The following ETV1 variants were observed in gnomAD, a reference collection of about 807,000 sequenced individuals.
ETV1 encodes ETS variant transcription factor 1.
Under a neutral mutation model 62.3 loss-of-function variants are expected in ETV1, and 27 were observed. The ratio of observed to expected loss-of-function variants is 0.43; its 90% CI spans 0.32 to 0.60. The LOEUF (loss-of-function observed/expected upper bound fraction) is 0.60. ETV1 is among the 20% of genes least tolerant of loss of function. The probability of loss-of-function intolerance (pLI) is 0.06; values close to 1 mark genes in which losing one functional copy is unlikely to be tolerated. For missense variants in ETV1, 605 were observed against 605.8 expected (o/e 1.00, Z 0.01); for synonymous variants, 222 against 199.6 (o/e 1.11, Z -0.94).
chr7:13,918,646 T>C (rs1451779741), intron 9 of ETV1, among the ~76,000 whole-genome samples: 2 of 151,686 alleles, frequency 1.3e-5, no homozygotes, highest in Non-Finnish European at 2.9e-5. Flanking sequence ...ACACCGCATA[T>C]TCTCACTCAT....
At chr7:13,909,552 G>T in intron 11 of ETV1, 80 bp downstream of exon 11, 1 of 999,728 alleles carries the variant, frequency 1.0e-6, no homozygotes, top group Non-Finnish European at 1.6e-6. Flanking sequence ...AAGTAGGGAT[G>T]TCCACTGTTT....
intron 9 of ETV1, among the ~76,000 whole-genome samples, chr7:13,917,648 T>C (rs888150025): frequency 3.4e-5 from 5 of 148,712 alleles, no homozygotes; most frequent in African/African-American, 1.2e-4. Context: ...ACTACCATAC[T>C]CTGACAATTA....
chr7:13,939,730 C>T lies in ETV1; in HGVS notation c.236-484G>A, dbSNP rs375636831. 2.5e-4 allele frequency among the ~76,000 whole-genome samples: 38 copies of T among 152,208 alleles called. 1 individual carries two copies. In the South Asian group the frequency reaches 5.8e-3, roughly 23 times the overall value. On this transcript the variant is annotated intron_variant, in intron 6 of 13. Coordinates refer to ENST00000430479, the MANE Select transcript of ETV1 (RefSeq NM_004956.5). The stretch of plus-strand genomic sequence containing the variant: ...TAGACTGGGGCAAAGAAAATCCAGG[C>T]GCAGGTCCAGAAGTGACTGATATTA...
intron 5 of ETV1, among the ~76,000 whole-genome samples, chr7:13,977,688 A>C (rs1781590986): frequency 6.6e-6 from 1 of 152,154 alleles, no homozygotes; most frequent in Admixed American, 6.5e-5. Flanking sequence ...TAGGAACCAT[A>C]TATATGTCAG....
chr7:13,954,748 C>T (rs2128475639), intron 6 of ETV1, among the ~76,000 whole-genome samples: 1 of 152,284 alleles, frequency 6.6e-6, no homozygotes, highest in East Asian at 1.9e-4. Flanking sequence ...CTGCAGCATT[C>T]TGATGTCACC....
rs1169122760 is a variant in ETV1 at position 13,892,047 on chromosome 7, T to C, written c.*3819A>G. The C allele has an allele frequency of 8.6e-6, 2 of 232,030 alleles. No homozygotes were observed. Among genetic ancestry groups the C allele is most frequent in the Admixed American group, 1.1e-4 (2 of 17,742 alleles). 14.4% of individuals were successfully genotyped at this position (232,030 alleles called of 1,614,324 possible). On this transcript the variant is annotated 3_prime_UTR_variant, in exon 14 of 14. Transcript: ENST00000430479. ...AGCTTCTGGCAATATATTTCTTTCCTGGTTATATAAAGATAAGTTGACTCA... is the reference window on the plus strand; with the variant it reads ...AGCTTCTGGCAATATATTTCTTTCCCGGTTATATAAAGATAAGTTGACTCA...
intron 13 of ETV1, among the ~76,000 whole-genome samples, chr7:13,898,728 G>A (rs1316244966): frequency 6.6e-6 from 1 of 152,048 alleles, no homozygotes; most frequent in Non-Finnish European, 1.5e-5. Flanking sequence ...TCTCCTACAT[G>A]TTAAAATATA....
chr7:13,962,562 T>C (rs528751737), intron 6 of ETV1, among the ~76,000 whole-genome samples: 1 of 152,162 alleles, frequency 6.6e-6, no homozygotes, highest in Admixed American at 6.5e-5. Flanking sequence ...CCTGGCCTAA[T>C]TATGTGTTGC....
At chr7:13,896,940 G>T (rs1781908730) in intron 13 of ETV1, among the ~76,000 whole-genome samples, 1 of 151,866 alleles carries the variant, frequency 6.6e-6, no homozygotes, top group South Asian at 2.1e-4. Flanking sequence ...AAAAGTGAAA[G>T]GAATTTAAAA....
chr7:13,976,397 C>A (rs548862934), intron 6 of ETV1, among the ~76,000 whole-genome samples: 1 of 152,186 alleles, frequency 6.6e-6, no homozygotes, highest in Non-Finnish European at 1.5e-5. Context: ...ACAGTAATTT[C>A]TTTATAACCA....
At chr7:13,897,547 T>A (rs552444963) in intron 13 of ETV1, among the ~76,000 whole-genome samples, 1 of 152,300 alleles carries the variant, frequency 6.6e-6, no homozygotes, top group South Asian at 2.1e-4. Flanking sequence ...AGACTACCTC[T>A]CAGTGGCCTT....
rs1010558370 is a variant in ETV1, at chr7:13,893,146, A to C, written c.*2720T>G. 1 of 232,496 alleles carries C rather than the reference A, an allele frequency of 4.3e-6. No individual in the cohort carries two copies. 14.4% of individuals were successfully genotyped at this position (232,496 alleles called of 1,614,324 possible). On this transcript the variant is annotated 3_prime_UTR_variant, in exon 14 of 14. Coordinates refer to ENST00000430479, the MANE Select transcript of ETV1 (RefSeq NM_004956.5). ...TGCAATTAATCTATTGGGTATTAAC[A>C]TGTCATCATCAAGAGACAGCAAACA...
chr7:13,972,731 G>A (rs1257605569), intron 6 of ETV1, among the ~76,000 whole-genome samples: 2 of 152,012 alleles, frequency 1.3e-5, no homozygotes, highest in African/African-American at 2.4e-5. Context: ...AGCCTTCATC[G>A]ATTTCCTGGC....
rs1281616948 is a variant in ETV1 at position 13,891,998 on chromosome 7, C to G, written c.*3868G>C. On this transcript the variant is annotated 3_prime_UTR_variant, in exon 14 of 14. Coordinates refer to ENST00000430479, the MANE Select transcript of ETV1 (RefSeq NM_004956.5). ...AGACAAAGTGGCTCATTTTAGAAATCCCTATCATCTGGCAAAATTCTGTAG... is the reference window on the plus strand; with the variant it reads ...AGACAAAGTGGCTCATTTTAGAAATGCCTATCATCTGGCAAAATTCTGTAG... 4.3e-6 allele frequency: 1 copy of G among 231,832 alleles called. No individual in the cohort carries two copies. Among genetic ancestry groups the G allele is most frequent in the Non-Finnish European group, 8.5e-6 (1 of 117,298 alleles). The allele number at this position is 231,832 out of a possible 1,614,324, so 14.4% of individuals were successfully genotyped here.
At chr7:13,977,911 C>T (rs1436366369) in intron 5 of ETV1, among the ~76,000 whole-genome samples, 1 of 152,080 alleles carries the variant, frequency 6.6e-6, no homozygotes, top group Non-Finnish European at 1.5e-5. Flanking sequence ...AGTTATCACA[C>T]ACGTCTCTCT....
chr7:13,971,399 G>C (rs1035013110), intron 6 of ETV1, among the ~76,000 whole-genome samples: 16 of 152,236 alleles, frequency 1.1e-4, no homozygotes, highest in African/African-American at 3.6e-4. Flanking sequence ...ACAAGGGTCT[G>C]TCTGGATGAT....
intron 11 of ETV1, among the ~76,000 whole-genome samples, chr7:13,906,889 CT>C (rs370070050): frequency 1.9e-4 from 29 of 151,366 alleles, no homozygotes; most frequent in South Asian, 6.3e-4. Flanking sequence ...GTGGAACTAT[CT>C]TTTTTTTTAA....
intron 13 of ETV1, 35 bp downstream of exon 13, chr7:13,900,703 T>G: frequency 2.2e-6 from 3 of 1,394,316 alleles, no homozygotes; most frequent in East Asian, 2.4e-5. Context: ...ATGTGCAACA[T>G]TTCAATGAAT....
chr7:13,941,055 A>G (rs1787446373), intron 6 of ETV1, among the ~76,000 whole-genome samples: 2 of 152,266 alleles, frequency 1.3e-5, no homozygotes, highest in Non-Finnish European at 2.9e-5. Flanking sequence ...CGCCTATTCA[A>G]AGTAAAGAGA....
Sources: allele counts gnomAD v4.1 joint callset (sites outside exome capture counted in the v4.1 genomes callset), GRCh38; gene constraint gnomAD v4.1.1; transcripts MANE v1.5; gene names NCBI Gene and HGNC (gene_info 2026-07-23, HGNC 2026-07-21).